Variants in APBA2 observed in about 807,000 individuals in gnomAD.
APBA2 encodes amyloid beta precursor protein binding family A member 2.
A neutral mutation model predicts 75.0 loss-of-function variants in APBA2; 30 were observed. The observed-to-expected ratio is 0.40, with a 90% CI of 0.30 to 0.54. The LOEUF is 0.54. Ranked by LOEUF, APBA2 falls within the 20% of genes least tolerant of loss-of-function variation. The probability of loss-of-function intolerance (pLI) is 0.49; values close to 1 mark genes in which losing one functional copy is unlikely to be tolerated. For synonymous variants in APBA2, 444 were observed against 409.6 expected (o/e 1.08, Z -1.01); for missense variants, 801 against 1,016.1 (o/e 0.79, Z 2.88).
Position 29,054,861 on chromosome 15 carries a change from G to A in APBA2, c.951+26G>A, listed in dbSNP as rs2041809130. On this transcript the variant is annotated intron_variant, in intron 4 of 14. Transcript: ENST00000683413. This position sits in a 1 kb window ranked among gnomAD's most constrained non-coding sequence, Gnocchi z 6.1. Reference sequence around the variant, plus strand: ...GTAGGACCCTGGCTGTCCTGGGGAAGGGAGCAGAGGGGCCCGAGAGCAAGG... The same window carrying A: ...GTAGGACCCTGGCTGTCCTGGGGAAAGGAGCAGAGGGGCCCGAGAGCAAGG... 4 of 1,583,856 alleles carry A rather than the reference G, an allele frequency of 2.5e-6. No individual in the cohort carries two copies. Among genetic ancestry groups the A allele is most frequent in the South Asian group, 2.2e-5 (2 of 89,090 alleles).
chr15:29,107,088 G>A (rs2044456402), intron 12 of APBA2, among the ~76,000 whole-genome samples: 1 of 152,200 alleles, frequency 6.6e-6, no homozygotes, highest in South Asian at 2.1e-4. Context: ...TGTGGCCCTG[G>A]GCAAGGGCCC....
chr15:28,939,047 C>G (rs1181910527), intron 2 of APBA2, among the ~76,000 whole-genome samples: 2 of 152,172 alleles, frequency 1.3e-5, no homozygotes, highest in Admixed American at 1.3e-4. Context: ...CCAGCCACCA[C>G]TCTACTTTCC....
At chr15:28,937,455 G>A (rs1391035099) in intron 2 of APBA2, among the ~76,000 whole-genome samples, 1 of 152,106 alleles carries the variant, frequency 6.6e-6, no homozygotes, top group Non-Finnish European at 1.5e-5. Flanking sequence ...TGGCAGGTCA[G>A]GTGGAGCCTC....
intron 6 of APBA2, among the ~76,000 whole-genome samples, chr15:29,089,808 T>C (rs551891086): frequency 1.8e-4 from 28 of 152,338 alleles, no homozygotes; most frequent in African/African-American, 6.7e-4. Flanking sequence ...GTGAAAAGGA[T>C]AAATCACTCT....
At chr15:29,059,011 A>T (rs1300250501) in intron 4 of APBA2, among the ~76,000 whole-genome samples, 1 of 152,210 alleles carries the variant, frequency 6.6e-6, no homozygotes, top group Non-Finnish European at 1.5e-5. Context: ...TAACTTGCTA[A>T]AATTGATTTG....
chr15:28,900,943 G>A (rs1467702022), intron 1 of APBA2, among the ~76,000 whole-genome samples: 2 of 152,188 alleles, frequency 1.3e-5, no homozygotes, highest in African/African-American at 4.8e-5. Context: ...GGCTGGGGCT[G>A]ACCCCTGGAT....
intron 2 of APBA2, among the ~76,000 whole-genome samples, chr15:28,979,093 C>T (rs1416765526): frequency 5.9e-5 from 9 of 152,230 alleles, no homozygotes; most frequent in African/African-American, 2.2e-4. Flanking sequence ...TCCCTGAGCA[C>T]TGTGCCTGGA....
At position 28,918,995 on chromosome 15, in the gene APBA2, G is replaced by A. The variant is rs1173303965; in HGVS notation, c.-204-2645G>A. On this transcript the variant is annotated intron_variant, in intron 1 of 14. Transcript: ENST00000683413. The surrounding 1 kb of genome is among the most constrained non-coding windows in gnomAD (Gnocchi z 4.2). ...CTGCCTCAGCCTCCGGAGTAGCTGG[G>A]ACTACAGGCGCCCGCCACCACGCCC... Among the ~76,000 whole-genome samples, 1 of 152,218 alleles carries A rather than the reference G, an allele frequency of 6.6e-6. No homozygotes were observed. The highest frequency in any genetic ancestry group is 2.4e-5 in the African/African-American group (1 of 41,534).
chr15:28,942,854 G>A (rs541369940), intron 2 of APBA2, among the ~76,000 whole-genome samples: 72 of 152,314 alleles, frequency 4.7e-4, no homozygotes, highest in African/African-American at 1.6e-3. Flanking sequence ...GCTTCTCCCC[G>A]GGCTGGGCCT....
chr15:28,893,642 C>G (rs889418947), intron 1 of APBA2, among the ~76,000 whole-genome samples: 1 of 152,164 alleles, frequency 6.6e-6, no homozygotes, highest in Admixed American at 6.5e-5. Context: ...ACTTTCTCTA[C>G]CCTTTGAGTC....
At chr15:29,067,698 A>G (rs1019139431) in intron 4 of APBA2, among the ~76,000 whole-genome samples, 2 of 152,230 alleles carry the variant, frequency 1.3e-5, no homozygotes, top group Non-Finnish European at 2.9e-5. Flanking sequence ...CCACAAGTTT[A>G]AATATCCCAG....
chr15:28,974,643 G>C (rs1011906481), intron 2 of APBA2, among the ~76,000 whole-genome samples: 7 of 152,016 alleles, frequency 4.6e-5, no homozygotes, highest in Admixed American at 2.0e-4. Context: ...AAACCAAAAA[G>C]GCCCTTCAAT....
intron 3 of APBA2, among the ~76,000 whole-genome samples, chr15:29,040,427 G>T (rs1186255729): frequency 1.3e-5 from 2 of 152,186 alleles, no homozygotes; most frequent in Non-Finnish European, 2.9e-5. Context: ...GGAAAAGAGG[G>T]TTTATTTATG....
At chr15:28,980,073 T>C (rs116536076) in intron 2 of APBA2, among the ~76,000 whole-genome samples, 1,965 of 152,252 alleles carry the variant, frequency 0.013, 58 homozygotes, top group African/African-American at 0.045. Context: ...AGATGTTCAA[T>C]GTAAATTGTG....
At chr15:29,063,355 A>G (rs35985694) in intron 4 of APBA2, among the ~76,000 whole-genome samples, 3,598 of 56,636 alleles carry the variant, frequency 0.064, 152 homozygotes, top group African/African-American at 0.25. Flanking sequence ...TGGGTGGTGC[A>G]GGGAGTTGAT....
chr15:29,107,995 T>C (rs1391802920), intron 12 of APBA2, among the ~76,000 whole-genome samples: 2 of 152,168 alleles, frequency 1.3e-5, no homozygotes, highest in Non-Finnish European at 2.9e-5. Flanking sequence ...GGCTCGCTCC[T>C]GCAGTGGCTA....
At chr15:29,024,601 T>C (rs2040122925) in intron 3 of APBA2, among the ~76,000 whole-genome samples, 1 of 152,238 alleles carries the variant, frequency 6.6e-6, no homozygotes, top group Admixed American at 6.5e-5. Flanking sequence ...GGCTAGCATT[T>C]AACTTTTCTC....
intron 2 of APBA2, among the ~76,000 whole-genome samples, chr15:28,988,619 G>A (rs2038054555): frequency 6.6e-6 from 1 of 152,190 alleles, no homozygotes; most frequent in African/African-American, 2.4e-5. Context: ...GTGAAAACAG[G>A]TGGCTGTATT....
chr15:29,036,591 A>AT (rs2040765607), intron 3 of APBA2, among the ~76,000 whole-genome samples: 2 of 152,206 alleles, frequency 1.3e-5, no homozygotes, highest in African/African-American at 4.8e-5. Flanking sequence ...TTTGGGGTGC[A>AT]GAGACCTCAG....
Sources: gnomAD v4.1 joint callset for allele counts (sites outside exome capture counted in the v4.1 genomes callset) on GRCh38, gnomAD v4.1.1 for gene constraint, Gnocchi (gnomAD v3.1) non-coding constraint, MANE v1.5 for transcripts, NCBI Gene and HGNC (gene_info 2026-07-23, HGNC 2026-07-21) for gene names.